ACTR3C: variants seen among roughly 807,000 people sequenced by gnomAD.
ACTR3C encodes actin-related protein 3C.
In ACTR3C, 18 loss-of-function variants were observed where a neutral mutation model predicts 26.3. That is an observed-to-expected ratio of 0.68 (90% CI 0.47 to 1.01). The LOEUF (loss-of-function observed/expected upper bound fraction) is 1.01, where lower values mean the gene tolerates loss of function less well. Ranked by LOEUF, ACTR3C falls within the 50% of genes least tolerant of loss-of-function variation. ACTR3C has a pLI of 0.00. For missense variants in ACTR3C, 184 were observed against 250.7 expected (o/e 0.73, Z 1.80); for synonymous variants, 55 against 94.5 (o/e 0.58, Z 2.42).
At chr7:150,279,579 TCCCACTACCTTC>T (rs1835148858) in intron 6 of ACTR3C, among the ~76,000 whole-genome samples, 1 of 151,660 alleles carries the variant, frequency 6.6e-6, no homozygotes, top group Non-Finnish European at 1.5e-5. Flanking sequence ...TAGGTTTGTT[TCCCACTACCTTC>T]CCCACCACCG....
the ACTR3C span, among the ~76,000 whole-genome samples, chr7:150,117,652 G>C: frequency 5.3e-5 from 8 of 152,340 alleles, no homozygotes; most frequent in Admixed American, 5.2e-4. Flanking sequence ...GGCTGTGGGC[G>C]CAGCTTCAGC....
chr7:150,053,534 C>T, the ACTR3C span, among the ~76,000 whole-genome samples: 1 of 152,244 alleles, frequency 6.6e-6, no homozygotes, highest in Non-Finnish European at 1.5e-5. Context: ...GCGGTATGGT[C>T]AGCCTTAGAA....
intron 1 of ACTR3C, among the ~76,000 whole-genome samples, chr7:150,308,999 C>G (rs532948506): frequency 3.9e-4 from 59 of 152,246 alleles, no homozygotes; most frequent in Admixed American, 1.0e-3. Flanking sequence ...CCTGACCTCT[C>G]CCGTCTCCCC....
At chr7:150,105,621 G>T in the ACTR3C span, among the ~76,000 whole-genome samples, 3 of 152,128 alleles carry the variant, frequency 2.0e-5, no homozygotes, top group South Asian at 6.2e-4. Context: ...GTTGTTTTCT[G>T]ATTCCTTTGC....
At chr7:150,169,436 C>T in the ACTR3C span, among the ~76,000 whole-genome samples, 685 of 149,594 alleles carry the variant, frequency 4.6e-3, 7 homozygotes, top group Non-Finnish European at 7.7e-3. Context: ...ACCAGAGCTC[C>T]CTCTCTCTAC....
At chr7:150,175,641 G>A in the ACTR3C span, among the ~76,000 whole-genome samples, 7 of 148,218 alleles carry the variant, frequency 4.7e-5, no homozygotes, top group South Asian at 4.2e-4. Flanking sequence ...TGGTGAAACC[G>A]GGTCTCTACT....
the ACTR3C span, among the ~76,000 whole-genome samples, chr7:150,101,638 G>A: frequency 2.6e-5 from 4 of 151,716 alleles, no homozygotes; most frequent in African/African-American, 4.9e-5. Flanking sequence ...GGAGCTTAGC[G>A]CTTCACCTGG....
chr7:150,127,558 T>C, the ACTR3C span, among the ~76,000 whole-genome samples: 3 of 151,932 alleles, frequency 2.0e-5, no homozygotes, highest in African/African-American at 4.8e-5. Flanking sequence ...AATGTCTGTT[T>C]ATTTCCGAGA....
chr7:150,089,866 A>G, the ACTR3C span, among the ~76,000 whole-genome samples: 2 of 152,252 alleles, frequency 1.3e-5, no homozygotes, highest in African/African-American at 2.4e-5. Flanking sequence ...TCTTAGCACA[A>G]TTTCAATCCA....
intron 6 of ACTR3C, among the ~76,000 whole-genome samples, chr7:150,279,970 A>AGT (rs1835186054): frequency 6.6e-6 from 1 of 152,190 alleles, no homozygotes; most frequent in Non-Finnish European, 1.5e-5. Flanking sequence ...TAGGTACTCA[A>AGT]GTACCTCCTG....
At chr7:149,909,761 G>A in the ACTR3C span, 1 of 357,196 alleles carries the variant, frequency 2.8e-6, no homozygotes, top group Admixed American at 4.9e-5. Context: ...CGTCTATATT[G>A]GATTAATGTC....
chr7:149,915,466 A>G, the ACTR3C span, among the ~76,000 whole-genome samples: 4,848 of 152,172 alleles, frequency 0.032, 264 homozygotes, highest in African/African-American at 0.11. Context: ...CTCTATGTAC[A>G]AGCAGACAAA....
At chr7:150,063,738 C>G in the ACTR3C span, among the ~76,000 whole-genome samples, 2 of 152,050 alleles carry the variant, frequency 1.3e-5, no homozygotes, top group Non-Finnish European at 2.9e-5. Flanking sequence ...GATAGAGTTT[C>G]TACTGCGGTT....
the ACTR3C span, among the ~76,000 whole-genome samples, chr7:150,077,849 G>A: frequency 6.6e-6 from 1 of 152,176 alleles, no homozygotes; most frequent in Non-Finnish European, 1.5e-5. Flanking sequence ...CAATTGCCAG[G>A]AAAGATTTCT....
the ACTR3C span, among the ~76,000 whole-genome samples, chr7:150,152,897 T>G: frequency 2.6e-5 from 4 of 152,332 alleles, no homozygotes; most frequent in East Asian, 7.7e-4. Flanking sequence ...AATTTATCCA[T>G]TTCTTCTAGA....
At chr7:150,021,007 G>T in the ACTR3C span, among the ~76,000 whole-genome samples, 1 of 151,990 alleles carries the variant, frequency 6.6e-6, no homozygotes, top group African/African-American at 2.4e-5. Flanking sequence ...TTTTAGTAGG[G>T]ACAGGGTTTC....
chr7:149,973,058 T>C, the ACTR3C span, among the ~76,000 whole-genome samples: 3 of 151,268 alleles, frequency 2.0e-5, no homozygotes, highest in Admixed American at 1.3e-4. Context: ...CAGGTAATCA[T>C]AGTGAGTGTC....
chr7:150,125,479 G>A, the ACTR3C span, among the ~76,000 whole-genome samples: 2 of 150,206 alleles, frequency 1.3e-5, no homozygotes, highest in African/African-American at 4.9e-5. Context: ...GTGGGGGTGG[G>A]TGGGGGGTCC....
At chr7:150,123,898 C>T in the ACTR3C span, among the ~76,000 whole-genome samples, 1 of 152,170 alleles carries the variant, frequency 6.6e-6, no homozygotes. Flanking sequence ...GGCCACGGAG[C>T]CACGTGGCAA....
Sources: allele counts gnomAD v4.1 joint callset (sites outside exome capture counted in the v4.1 genomes callset), GRCh38; gene constraint gnomAD v4.1.1; transcripts MANE v1.5; gene names NCBI Gene and HGNC (gene_info 2026-07-23, HGNC 2026-07-21).